The following EDA variants were observed in gnomAD, a reference collection of about 807,000 sequenced individuals.
EDA encodes the protein ectodysplasin A.
Under a neutral mutation model 23.6 loss-of-function variants are expected in EDA, and 2 were observed. That is an observed-to-expected ratio of 0.08 (90% CI 0.03 to 0.27). EDA has a LOEUF of 0.27. Among genes scored for constraint, EDA ranks in the 10% least tolerant of loss-of-function variants. EDA has a pLI of 1.00. For synonymous variants in EDA, 131 were observed against 132.0 expected (o/e 0.99, Z 0.05); for missense variants, 229 against 324.2 (o/e 0.71, Z 2.26).
chrX:70,023,478 C>CTTTTTT lies in EDA; in HGVS notation c.526+260_526+265dup, dbSNP rs754981946. ...TCTTCTCCCTGCCCTTCTTTTTATT[C>CTTTTTT]TTTTTTTTTTTTTTTTTTTTTTTTT... On this transcript the variant is annotated intron_variant, in intron 3 of 7. Transcript: ENST00000374552. Among the ~76,000 whole-genome samples the CTTTTTT allele has an allele frequency of 5.3e-3, 179 of 33,497 alleles. 5 individuals are homozygous for CTTTTTT. Among genetic ancestry groups the CTTTTTT allele is most frequent in the East Asian group, 0.013 (10 of 749 alleles). The allele number at this position is 33,497 out of a possible 115,157, so 29.1% of individuals were successfully genotyped here.
At chrX:69,776,749 G>T (rs939682609) in intron 1 of EDA, among the ~76,000 whole-genome samples, 1 of 111,047 alleles carries the variant, frequency 9.0e-6, no homozygotes, top group Non-Finnish European at 1.9e-5. Flanking sequence ...TGAGCTTTAA[G>T]CAAATACTAG....
At chrX:69,891,796 A>G (rs1354738852) in intron 1 of EDA, among the ~76,000 whole-genome samples, 1 of 111,178 alleles carries the variant, frequency 9.0e-6, no homozygotes, top group Non-Finnish European at 1.9e-5. Context: ...AGGATCAGAT[A>G]GAATAATTAG....
chrX:69,991,210 T>A (rs2019584693), intron 2 of EDA, among the ~76,000 whole-genome samples: 1 of 111,637 alleles, frequency 9.0e-6, no homozygotes, highest in African/African-American at 3.3e-5. Context: ...TTACTCCTGG[T>A]TCTCATTATG....
intron 2 of EDA, among the ~76,000 whole-genome samples, chrX:69,990,565 G>C (rs1306324623): frequency 9.0e-6 from 1 of 110,783 alleles, no homozygotes; most frequent in African/African-American, 3.3e-5. Flanking sequence ...CCTCATGAAG[G>C]TGGAATTCTA....
intron 1 of EDA, among the ~76,000 whole-genome samples, chrX:69,669,609 G>A (rs1307038620): frequency 2.7e-5 from 3 of 109,962 alleles, no homozygotes; most frequent in Non-Finnish European, 5.7e-5. Context: ...TTTTATATTG[G>A]GTATTTTTAA....
intron 1 of EDA, among the ~76,000 whole-genome samples, chrX:69,952,198 GA>G (rs753309114): frequency 2.6e-4 from 29 of 111,681 alleles, no homozygotes; most frequent in Non-Finnish European, 4.1e-4. Flanking sequence ...TATTTTTATT[GA>G]AAAAATAGAA....
At chrX:70,010,987 C>T (rs768154295) in intron 2 of EDA, among the ~76,000 whole-genome samples, 6 of 111,751 alleles carry the variant, frequency 5.4e-5, no homozygotes, top group South Asian at 7.6e-4. Flanking sequence ...GGATTGGGGA[C>T]GCAGCCAAAC....
chrX:69,853,091 G>A (rs931862929), intron 1 of EDA, among the ~76,000 whole-genome samples: 2 of 111,380 alleles, frequency 1.8e-5, no homozygotes, highest in Non-Finnish European at 3.8e-5. Flanking sequence ...GCAAACTACA[G>A]GAGCAGATCT....
At chrX:69,704,748 A>G in intron 1 of EDA, among the ~76,000 whole-genome samples, 1 of 111,396 alleles carries the variant, frequency 9.0e-6, no homozygotes, top group Non-Finnish European at 1.9e-5. Context: ...AATTTTGACA[A>G]GTTCACTTAA....
At chrX:69,782,421 C>A (rs1434015263) in intron 1 of EDA, among the ~76,000 whole-genome samples, 1 of 99,940 alleles carries the variant, frequency 1.0e-5, no homozygotes, top group Non-Finnish European at 2.0e-5. Context: ...GAGACTTCTA[C>A]TGAGAGGAGA....
rs897322272 is a variant in EDA, at chrX:69,933,587, G to A, written c.397-23440G>A. 7.2e-5 allele frequency among the ~76,000 whole-genome samples: 8 copies of A among 110,692 alleles called. No individual in the cohort carries two copies. In the East Asian group the frequency reaches 2.3e-3, roughly 31 times the overall value. Reference sequence around the variant, plus strand: ...AGATACTCAGGAGGCTGAGGCAGGAGAATCGCTTGAACCCGGGAGGCAGAG... The same window carrying A: ...AGATACTCAGGAGGCTGAGGCAGGAAAATCGCTTGAACCCGGGAGGCAGAG... On this transcript the variant is annotated intron_variant, in intron 1 of 7. Coordinates refer to ENST00000374552, the MANE Select transcript of EDA (RefSeq NM_001399.5).
chrX:69,733,818 A>G (rs1031829955), intron 1 of EDA, among the ~76,000 whole-genome samples: 1 of 111,133 alleles, frequency 9.0e-6, no homozygotes, highest in African/African-American at 3.3e-5. Context: ...GGTCCTTCAC[A>G]TCCCTTGTAA....
At chrX:69,799,865 A>C (rs2015638044) in intron 1 of EDA, among the ~76,000 whole-genome samples, 1 of 107,138 alleles carries the variant, frequency 9.3e-6, no homozygotes, top group Non-Finnish European at 2.0e-5. Flanking sequence ...CAATCCCACT[A>C]CTGGGAATTT....
At chrX:69,841,920 A>G (rs761493362) in intron 1 of EDA, among the ~76,000 whole-genome samples, 28 of 112,056 alleles carry the variant, frequency 2.5e-4, no homozygotes, top group Non-Finnish European at 4.3e-4. Flanking sequence ...GAAAAGTATA[A>G]AATTTTCCAC....
chrX:69,694,669 T>C (rs1246725554), intron 1 of EDA, among the ~76,000 whole-genome samples: 1 of 111,962 alleles, frequency 8.9e-6, no homozygotes, highest in Non-Finnish European at 1.9e-5. Context: ...GTTGATGCAA[T>C]TGACAAGGAA....
At chrX:69,755,916 C>T (rs777236631) in intron 1 of EDA, among the ~76,000 whole-genome samples, 1 of 112,392 alleles carries the variant, frequency 8.9e-6, no homozygotes, top group Non-Finnish European at 1.9e-5. Flanking sequence ...GTTGGAAAAG[C>T]GCAGTATTAG....
intron 1 of EDA, chrX:69,616,966 G>C (rs1323692699): frequency 2.3e-6 from 1 of 432,496 alleles, no homozygotes; most frequent in African/African-American, 2.5e-5. Flanking sequence ...GCTGCCTCGA[G>C]AAAAGTTGGC....
At chrX:69,749,477 TG>T (rs2013740984) in intron 1 of EDA, among the ~76,000 whole-genome samples, 1 of 107,330 alleles carries the variant, frequency 9.3e-6, no homozygotes, top group Non-Finnish European at 1.9e-5. Flanking sequence ...CTGGGTCAAA[TG>T]GTATTTCTAG....
intron 1 of EDA, among the ~76,000 whole-genome samples, chrX:69,898,366 A>G (rs2018049717): frequency 9.0e-6 from 1 of 110,788 alleles, no homozygotes; most frequent in South Asian, 3.9e-4. Flanking sequence ...TGAGGTCAGG[A>G]GTTTGAGACC....
Sources: gnomAD v4.1 joint callset for allele counts (sites outside exome capture counted in the v4.1 genomes callset) on GRCh38, gnomAD v4.1.1 for gene constraint, MANE v1.5 for transcripts, NCBI Gene and HGNC (gene_info 2026-07-23, HGNC 2026-07-21) for gene names.